RUNX1: variants seen among roughly 807,000 people sequenced by gnomAD.
RUNX1 encodes RUNX family transcription factor 1.
In RUNX1, 19 loss-of-function variants were observed where a neutral mutation model predicts 42.8. The ratio of observed to expected loss-of-function variants is 0.44; its 90% CI spans 0.31 to 0.65. The LOEUF is 0.65. Ranked by LOEUF, RUNX1 falls within the 30% of genes least tolerant of loss-of-function variation. The pLI is 0.07. For missense variants in RUNX1, 528 were observed against 672.0 expected, an observed-to-expected ratio of 0.79 and a Z score of 2.37; for synonymous variants, 271 against 289.4, an observed-to-expected ratio of 0.94 and a Z score of 0.64.
At chr21:34,834,307 G>A in intron 7 of RUNX1, 103 bp downstream of exon 7, 2 of 1,209,454 alleles carry the variant, frequency 1.7e-6, no homozygotes, top group Non-Finnish European at 2.5e-6. Context: ...AGCATCAAGG[G>A]GAAACCCCAG....
intron 7 of RUNX1, chr21:34,821,463 C>A: frequency 7.2e-7 from 1 of 1,391,534 alleles, no homozygotes; most frequent in Non-Finnish European, 9.4e-7. Context: ...CACAATTGTC[C>A]CATGTGTTAG....
rs369201956 is a variant in RUNX1 at position 34,976,850 on chromosome 21, G to A, written c.58+71992C>T. On this transcript the variant is annotated intron_variant, in intron 2 of 8. Transcript: ENST00000675419. Reference sequence around the variant, plus strand: ...GCTACGCATTCTGCTAGGTGATATCGGTAGAAAAGTTAAAAAAAAAAATGC... The same window carrying A: ...GCTACGCATTCTGCTAGGTGATATCAGTAGAAAAGTTAAAAAAAAAAATGC... Among the ~76,000 whole-genome samples, 150 of 150,830 alleles carry A rather than the reference G, an allele frequency of 9.9e-4. 3 individuals carry two copies. The highest frequency in any genetic ancestry group is 3.4e-3 in the African/African-American group (138 of 40,594).
chr21:34,940,591 G>A (rs1429962260), intron 2 of RUNX1, among the ~76,000 whole-genome samples: 1 of 152,174 alleles, frequency 6.6e-6, no homozygotes, highest in Admixed American at 6.5e-5. Context: ...TTCATCCTAT[G>A]TGCTTTATGC....
chr21:35,013,084 G>A (rs1300725882), intron 2 of RUNX1, among the ~76,000 whole-genome samples: 2 of 152,132 alleles, frequency 1.3e-5, no homozygotes, highest in African/African-American at 4.8e-5. Context: ...ACTGAACAAC[G>A]TGAACGTCCA....
At chr21:34,910,525 G>A (rs2058264054) in intron 2 of RUNX1, among the ~76,000 whole-genome samples, 1 of 152,106 alleles carries the variant, frequency 6.6e-6, no homozygotes, top group African/African-American at 2.4e-5. Context: ...TGTCCTCTCT[G>A]TCACCAGCCC....
intron 5 of RUNX1, among the ~76,000 whole-genome samples, chr21:34,875,692 C>T (rs2057804160): frequency 6.6e-6 from 1 of 152,082 alleles, no homozygotes; most frequent in Admixed American, 6.5e-5. Flanking sequence ...TGGGATCCTA[C>T]GATAATACTG....
intron 2 of RUNX1, among the ~76,000 whole-genome samples, chr21:34,957,707 C>G (rs1799657001): frequency 6.6e-6 from 1 of 152,190 alleles, no homozygotes; most frequent in Non-Finnish European, 1.5e-5. Context: ...TGAGCTTTTG[C>G]AAGGATCCCG....
intron 5 of RUNX1, among the ~76,000 whole-genome samples, chr21:34,865,401 G>A (rs553698369): frequency 1.1e-4 from 16 of 151,974 alleles, no homozygotes; most frequent in Non-Finnish European, 1.8e-4. Flanking sequence ...TGCCCCGCCA[G>A]CTGGCGACCT....
In RUNX1 at chr21:34,788,553, C is replaced by CA. The variant is rs931191663; in HGVS notation, c.*3581dup. 1.5e-4 allele frequency: 35 copies of CA among 232,300 alleles called. No individual in the cohort carries two copies. In the Admixed American group the frequency reaches 1.6e-3, roughly 11 times the overall value. 14.4% of individuals were successfully genotyped at this position (232,300 alleles called of 1,614,324 possible). The stretch of plus-strand genomic sequence containing the variant: ...AAGAAAAAGTCCTTAGAAACACACA[C>CA]AAAAAAATTGAAAAAAAGTTATAGG... On this transcript the variant is annotated 3_prime_UTR_variant, in exon 9 of 9. Transcript: ENST00000675419.
At chr21:34,960,039 G>C (rs539647821) in intron 2 of RUNX1, among the ~76,000 whole-genome samples, 3 of 152,248 alleles carry the variant, frequency 2.0e-5, no homozygotes, top group African/African-American at 7.2e-5. Flanking sequence ...CAGGGGGTCA[G>C]CGAGCAGAGA....
intron 5 of RUNX1, among the ~76,000 whole-genome samples, chr21:34,869,062 G>A (rs1379509613): frequency 6.6e-6 from 1 of 152,044 alleles, no homozygotes; most frequent in Non-Finnish European, 1.5e-5. Flanking sequence ...ATTTTAGTAG[G>A]CCCTTAGCAG....
chr21:34,920,615 C>G (rs1488392613), intron 2 of RUNX1, among the ~76,000 whole-genome samples: 5 of 152,140 alleles, frequency 3.3e-5, no homozygotes, highest in Admixed American at 3.3e-4. Context: ...AGGAACTTTT[C>G]AGTTCCTTAC....
rs2056426143 is a variant in RUNX1 at position 34,790,937 on chromosome 21, C to G, written c.*1198G>C. 1 of 233,536 alleles carries G rather than the reference C, an allele frequency of 4.3e-6. No individual in the cohort carries two copies. Among genetic ancestry groups the G allele is most frequent in the African/African-American group, 2.2e-5 (1 of 45,336 alleles). The allele number at this position is 233,536 out of a possible 1,614,324, so 14.5% of individuals were successfully genotyped here. A position where few individuals can be genotyped will look rare whatever the true frequency, so the allele number is the denominator to read the frequency against. On this transcript the variant is annotated 3_prime_UTR_variant, in exon 9 of 9. Coordinates refer to ENST00000675419, the MANE Select transcript of RUNX1 (RefSeq NM_001754.5). ...AGATGACCTTGGGGTGAGCAAATCC[C>G]TGGGCAGAAATCAAATCCTCTCCAA... is the stretch of plus-strand genomic sequence containing the variant.
chr21:35,024,094 G>T (rs1469402713), intron 2 of RUNX1, among the ~76,000 whole-genome samples: 1 of 152,082 alleles, frequency 6.6e-6, no homozygotes, highest in Non-Finnish European at 1.5e-5. Context: ...CTACTTTACA[G>T]CTAGGTGCCT....
intron 5 of RUNX1, among the ~76,000 whole-genome samples, chr21:34,868,839 A>G (rs188934118): frequency 6.6e-6 from 1 of 152,318 alleles, no homozygotes; most frequent in East Asian, 1.9e-4. Flanking sequence ...GTAGGTGCAC[A>G]ATGTATATCT....
chr21:34,846,311 G>A (rs542119027), intron 6 of RUNX1, among the ~76,000 whole-genome samples: 17 of 147,154 alleles, frequency 1.2e-4, no homozygotes, highest in African/African-American at 2.8e-4. Flanking sequence ...CTCTTTCCCC[G>A]GCCTGGGGTT....
At chr21:34,863,477 A>G (rs890313557) in intron 5 of RUNX1, among the ~76,000 whole-genome samples, 3 of 151,964 alleles carry the variant, frequency 2.0e-5, no homozygotes, top group Non-Finnish European at 4.4e-5. Flanking sequence ...TATAATCAGG[A>G]GTAAAACTTA....
intron 2 of RUNX1, among the ~76,000 whole-genome samples, chr21:34,896,527 A>G (rs779628938): frequency 6.6e-6 from 1 of 152,176 alleles, no homozygotes; most frequent in Non-Finnish European, 1.5e-5. Flanking sequence ...TACTAAAAAT[A>G]CAAAAATTAG....
intron 7 of RUNX1, among the ~76,000 whole-genome samples, chr21:34,831,357 AAT>A (rs2057061017): frequency 6.6e-6 from 1 of 152,170 alleles, no homozygotes; most frequent in African/African-American, 2.4e-5. Flanking sequence ...GCCCCCTCTC[AAT>A]CTGTACCGTG....
Sources: allele counts gnomAD v4.1 joint callset (sites outside exome capture counted in the v4.1 genomes callset), GRCh38; gene constraint gnomAD v4.1.1; transcripts MANE v1.5; gene names NCBI Gene and HGNC (gene_info 2026-07-23, HGNC 2026-07-21).